DPP10: variants seen among roughly 807,000 people sequenced by gnomAD.
The protein encoded by DPP10 is inactive dipeptidyl peptidase 10.
A neutral mutation model predicts 120.9 loss-of-function variants in DPP10; 33 were observed. The observed-to-expected ratio is 0.27, with a 90% CI of 0.21 to 0.37. The LOEUF (loss-of-function observed/expected upper bound fraction) is 0.37, where lower values mean the gene tolerates loss of function less well. Ranked by LOEUF, DPP10 falls within the 10% of genes least tolerant of loss-of-function variation. DPP10 has a pLI of 1.00. For missense variants in DPP10, 816 were observed against 942.8 expected, an observed-to-expected ratio of 0.87 and a Z score of 1.76; for synonymous variants, 337 against 326.1, an observed-to-expected ratio of 1.03 and a Z score of -0.36.
chr2:114,989,590 G>A (rs1017758410), intron 1 of DPP10, among the ~76,000 whole-genome samples: 1 of 152,222 alleles, frequency 6.6e-6, no homozygotes, highest in East Asian at 1.9e-4. Context: ...TCTGGCTCAT[G>A]TGAGATCATT....
At chr2:114,493,564 G>C (rs143540392) in intron 1 of DPP10, among the ~76,000 whole-genome samples, 1 of 152,042 alleles carries the variant, frequency 6.6e-6, no homozygotes, top group East Asian at 1.9e-4. Context: ...GTAGGACGTG[G>C]TGAGGTTTAT....
At chr2:115,234,241 A>G (rs746825555) in intron 1 of DPP10, among the ~76,000 whole-genome samples, 9 of 152,084 alleles carry the variant, frequency 5.9e-5, no homozygotes, top group Non-Finnish European at 1.2e-4. Context: ...CTGAAATAAT[A>G]ATAGTAAACT....
At chr2:115,393,509 A>C (rs1404941140) in intron 3 of DPP10, among the ~76,000 whole-genome samples, 1 of 152,134 alleles carries the variant, frequency 6.6e-6, no homozygotes, top group Non-Finnish European at 1.5e-5. Context: ...ATGGTCTTTT[A>C]GCCTTTGAAT....
chr2:115,674,902 C>T (rs2090150587), intron 5 of DPP10, among the ~76,000 whole-genome samples: 1 of 152,156 alleles, frequency 6.6e-6, no homozygotes, highest in Admixed American at 6.5e-5. Context: ...GAGTTCCATT[C>T]TCTCTTGAAC....
intron 1 of DPP10, among the ~76,000 whole-genome samples, chr2:114,644,672 C>A (rs571138177): frequency 1.2e-4 from 18 of 151,770 alleles, no homozygotes; most frequent in Non-Finnish European, 2.2e-4. Flanking sequence ...GGCCTGTTGA[C>A]CTAAGTTGGA....
At chr2:114,873,211 G>T (rs1182066259) in intron 1 of DPP10, among the ~76,000 whole-genome samples, 4 of 152,096 alleles carry the variant, frequency 2.6e-5, no homozygotes, top group Admixed American at 1.3e-4. Flanking sequence ...AATATTTGTT[G>T]TTAACTTTTA....
intron 1 of DPP10, among the ~76,000 whole-genome samples, chr2:114,852,961 C>T (rs554772672): frequency 8.5e-5 from 13 of 152,236 alleles, no homozygotes; most frequent in East Asian, 5.8e-4. Context: ...ATAAAAATTC[C>T]GAACACCTGT....
At chr2:114,727,752 G>A (rs1190685134) in intron 1 of DPP10, among the ~76,000 whole-genome samples, 1 of 152,164 alleles carries the variant, frequency 6.6e-6, no homozygotes, top group Non-Finnish European at 1.5e-5. Flanking sequence ...AAGAATGGAA[G>A]TAGTTTCTAG....
At chr2:114,573,947 G>A (rs1689850947) in intron 1 of DPP10, among the ~76,000 whole-genome samples, 2 of 152,156 alleles carry the variant, frequency 1.3e-5, no homozygotes, top group South Asian at 4.1e-4. Context: ...AAGGATGGAG[G>A]CATCAAAGAA....
chr2:115,454,448 G>T (rs116297313), intron 3 of DPP10, among the ~76,000 whole-genome samples: 2,303 of 151,374 alleles, frequency 0.015, 47 homozygotes, highest in African/African-American at 0.053. Context: ...GTCAAATAAG[G>T]TAATACATTA....
At chr2:115,065,115 A>G (rs551119256) in intron 1 of DPP10, among the ~76,000 whole-genome samples, 1 of 152,248 alleles carries the variant, frequency 6.6e-6, no homozygotes, top group Admixed American at 6.5e-5. Flanking sequence ...CATATTGAAA[A>G]TATATTTGAA....
At chr2:115,163,748 C>T (rs2052615449) in intron 1 of DPP10, among the ~76,000 whole-genome samples, 1 of 152,214 alleles carries the variant, frequency 6.6e-6, no homozygotes. Flanking sequence ...AGAGTCCCCA[C>T]ATGAAATCTT....
intron 1 of DPP10, among the ~76,000 whole-genome samples, chr2:115,135,266 A>T (rs1356880809): frequency 6.6e-6 from 1 of 151,972 alleles, no homozygotes; most frequent in Admixed American, 6.6e-5. Context: ...ATATATGAGC[A>T]AATAGAACAT....
chr2:115,172,519 G>A (rs1309507162), intron 1 of DPP10, among the ~76,000 whole-genome samples: 2 of 152,076 alleles, frequency 1.3e-5, no homozygotes, highest in Non-Finnish European at 2.9e-5. Flanking sequence ...TAATTTTTCA[G>A]ACACATGTAA....
chr2:115,056,695 A>C (rs898411353), intron 1 of DPP10, among the ~76,000 whole-genome samples: 3 of 152,174 alleles, frequency 2.0e-5, no homozygotes, highest in Non-Finnish European at 4.4e-5. Flanking sequence ...TGCCAACGTA[A>C]GTCCAATGCT....
chr2:115,669,794 C>T (rs1239205375), intron 5 of DPP10, among the ~76,000 whole-genome samples: 1 of 152,130 alleles, frequency 6.6e-6, no homozygotes, highest in Non-Finnish European at 1.5e-5. Flanking sequence ...ATAATCAAGC[C>T]TCTGACATGG....
At chr2:115,409,342 A>C (rs1332285314) in intron 3 of DPP10, among the ~76,000 whole-genome samples, 2 of 152,192 alleles carry the variant, frequency 1.3e-5, no homozygotes, top group Admixed American at 1.3e-4. Context: ...AAACTGACAA[A>C]ATTTTTGAAG....
intron 3 of DPP10, among the ~76,000 whole-genome samples, chr2:115,409,688 TAAATG>T (rs1274918822): frequency 6.6e-6 from 1 of 152,196 alleles, no homozygotes; most frequent in Non-Finnish European, 1.5e-5. Context: ...AAACCGTCAT[TAAATG>T]AAAAACACAC....
chr2:115,487,040 A>G (rs564561946), intron 3 of DPP10, among the ~76,000 whole-genome samples: 5 of 152,292 alleles, frequency 3.3e-5, no homozygotes, highest in Admixed American at 2.0e-4. Flanking sequence ...TTGGATATCT[A>G]ACTTTATCTT....
Sources: gnomAD v4.1 joint callset for allele counts (sites outside exome capture counted in the v4.1 genomes callset) on GRCh38, gnomAD v4.1.1 for gene constraint, MANE v1.5 for transcripts, NCBI Gene and HGNC (gene_info 2026-07-23, HGNC 2026-07-21) for gene names.